SLC5A1: variants seen among roughly 807,000 people sequenced by gnomAD.
SLC5A1 encodes the protein sodium/glucose cotransporter 1.
A neutral mutation model predicts 73.5 loss-of-function variants in SLC5A1; 42 were observed. That is an observed-to-expected ratio of 0.57 (90% CI 0.45 to 0.74). The LOEUF (loss-of-function observed/expected upper bound fraction) is 0.74. Ranked by LOEUF, SLC5A1 falls within the 30% of genes least tolerant of loss-of-function variation. SLC5A1 has a pLI of 0.00. For missense variants in SLC5A1, 634 were observed against 855.4 expected (o/e 0.74, Z 3.23); for synonymous variants, 300 against 317.4 (o/e 0.95, Z 0.58).
At chr22:32,055,832 G>T (rs1466614065) in intron 2 of SLC5A1, among the ~76,000 whole-genome samples, 1 of 152,178 alleles carries the variant, frequency 6.6e-6, no homozygotes, top group South Asian at 2.1e-4. Context: ...CCCAAAGGTG[G>T]TGCTGTAAAA....
In SLC5A1 at chr22:32,095,119, G is replaced by C. The variant is rs559518014; in HGVS notation, c.1280+3357G>C. 1.1e-4 allele frequency among the ~76,000 whole-genome samples: 16 copies of C among 152,236 alleles called. No individual in the cohort carries two copies. The East Asian group carries it at 3.1e-3, about 29-fold the overall frequency. On this transcript the variant is annotated intron_variant, in intron 11 of 14. Coordinates refer to ENST00000266088, the MANE Select transcript of SLC5A1 (RefSeq NM_000343.4). The stretch of plus-strand genomic sequence containing the variant: ...TTGACCCAATGATCATTCAGGAGCA[G>C]GTTATTTAATTTCCATGTATTTGCA...
chr22:32,063,788 T>A (rs958487690), intron 2 of SLC5A1, among the ~76,000 whole-genome samples: 1 of 152,108 alleles, frequency 6.6e-6, no homozygotes, highest in Admixed American at 6.5e-5. Context: ...TAGGTGGCCA[T>A]AATATTGTGA....
intron 10 of SLC5A1, among the ~76,000 whole-genome samples, chr22:32,088,216 C>T (rs1457942441): frequency 1.3e-5 from 2 of 151,978 alleles, no homozygotes; most frequent in Admixed American, 6.6e-5. Flanking sequence ...AAACATTATG[C>T]GGGAGTGGAC....
At chr22:32,078,393 A>G (rs906934281) in intron 5 of SLC5A1, among the ~76,000 whole-genome samples, 4 of 151,800 alleles carry the variant, frequency 2.6e-5, no homozygotes, top group Non-Finnish European at 5.9e-5. Flanking sequence ...TCGGCCTCCC[A>G]GTTAGCTGAG....
chr22:32,047,702 C>T (rs1247833389), intron 1 of SLC5A1, among the ~76,000 whole-genome samples: 1 of 152,192 alleles, frequency 6.6e-6, no homozygotes, highest in East Asian at 1.9e-4. Context: ...AAGTTCAATA[C>T]ATCGTTGCAG....
intron 10 of SLC5A1, among the ~76,000 whole-genome samples, chr22:32,088,698 C>T (rs1320267487): frequency 4.6e-5 from 7 of 152,202 alleles, no homozygotes; most frequent in Non-Finnish European, 1.0e-4. Context: ...CATTCCTCAC[C>T]TTACTGGATC....
At chr22:32,075,812 G>A (rs540910646) in intron 5 of SLC5A1, among the ~76,000 whole-genome samples, 38 of 152,012 alleles carry the variant, frequency 2.5e-4, no homozygotes, top group Non-Finnish European at 4.0e-4. Flanking sequence ...TCGTAAATTC[G>A]GCTGGTTTTA....
intron 2 of SLC5A1, among the ~76,000 whole-genome samples, chr22:32,066,078 A>G (rs1413888734): frequency 2.6e-5 from 4 of 152,184 alleles, no homozygotes; most frequent in Non-Finnish European, 4.4e-5. Flanking sequence ...CTGACACAGT[A>G]TTATGATTGG....
At position 32,091,484 on chromosome 22, in the gene SLC5A1, T is replaced by C; in HGVS notation, c.1130-128T>C. 4 of 1,070,110 alleles carry C rather than the reference T, an allele frequency of 3.7e-6. No homozygotes were observed. The Admixed American group carries it at 5.7e-5, about 15-fold the overall frequency. The allele number at this position is 1,070,110 out of a possible 1,614,324, so 66.3% of individuals were successfully genotyped here. A position where few individuals can be genotyped will look rare whatever the true frequency, so the allele number is the denominator to read the frequency against. On this transcript the variant is annotated intron_variant, in intron 10 of 14. Transcript: ENST00000266088. Reference sequence around the variant, plus strand: ...TACTTCTTAAAGCTTCTAGTCTTTTTGGAGACAGAAATTGGATAACATGGC... The same window carrying C: ...TACTTCTTAAAGCTTCTAGTCTTTTCGGAGACAGAAATTGGATAACATGGC...
At chr22:32,086,003 T>C (rs1020121600) in intron 9 of SLC5A1, among the ~76,000 whole-genome samples, 1 of 151,914 alleles carries the variant, frequency 6.6e-6, no homozygotes, top group Non-Finnish European at 1.5e-5. Context: ...TAGCCAGGCA[T>C]GGTGGTGGGC....
At chr22:32,066,798 C>G (rs2093974044) in intron 2 of SLC5A1, 137 bp from the exon 3 acceptor site, 9 of 691,452 alleles carry the variant, frequency 1.3e-5, no homozygotes. Flanking sequence ...CCTGATGATT[C>G]CAGCACAGTT....
chr22:32,071,269 T>G (rs1374804623), intron 5 of SLC5A1, among the ~76,000 whole-genome samples: 1 of 152,086 alleles, frequency 6.6e-6, no homozygotes, highest in African/African-American at 2.4e-5. Context: ...CTGGACAACA[T>G]GGCAAGACCC....
chr22:32,082,961 T>G, intron 6 of SLC5A1, 113 bp from the exon 7 acceptor site: 1 of 872,070 alleles, frequency 1.1e-6, no homozygotes, highest in African/African-American at 1.9e-5. Context: ...CAAACCACTG[T>G]GGGGATGTTC....
In SLC5A1 at chr22:32,043,270, A is replaced by T; in HGVS notation, c.-12A>T. On this transcript the variant is annotated 5_prime_UTR_variant, in exon 1 of 15. Coordinates refer to ENST00000266088, the MANE Select transcript of SLC5A1 (RefSeq NM_000343.4). This position sits in a 1 kb window ranked among gnomAD's most constrained non-coding sequence, Gnocchi z 6.5. ...CGGCCCTGGCGAGAGGGAAGGACGC[A>T]ACGCTGCCACCATGGACAGTAGCAC... 2 of 1,613,296 alleles carry T rather than the reference A, an allele frequency of 1.2e-6. No individual in the cohort carries two copies. Among genetic ancestry groups the T allele is most frequent in the East Asian group, 4.5e-5 (2 of 44,882 alleles).
At chr22:32,050,576 T>G (rs1394983388) in intron 2 of SLC5A1, among the ~76,000 whole-genome samples, 2 of 152,222 alleles carry the variant, frequency 1.3e-5, no homozygotes, top group Non-Finnish European at 2.9e-5. Flanking sequence ...AGACTGGTTT[T>G]GGGCATTCCT....
rs200959236 is a variant in SLC5A1, at chr22:32,043,426, G to A, written c.135+10G>A. 1.3e-5 allele frequency: 21 copies of A among 1,613,488 alleles called. No individual in the cohort carries two copies. The highest frequency in any genetic ancestry group is 2.2e-5 in the East Asian group (1 of 44,874). ...GGCCGTCGGACTGTGGGTATGCAGC[G>A]GGTTCTGGGATGCGGGTGGGGAGGG... On this transcript the variant is annotated intron_variant, in intron 1 of 14. Coordinates refer to ENST00000266088, the MANE Select transcript of SLC5A1 (RefSeq NM_000343.4). This position sits in a 1 kb window ranked among gnomAD's most constrained non-coding sequence, Gnocchi z 6.5.
At chr22:32,058,727 T>C (rs1301434560) in intron 2 of SLC5A1, among the ~76,000 whole-genome samples, 1 of 152,206 alleles carries the variant, frequency 6.6e-6, no homozygotes, top group Non-Finnish European at 1.5e-5. Flanking sequence ...CGGACTAACC[T>C]ATAAGGTCAG....
chr22:32,067,278 T>G lies in SLC5A1; in HGVS notation c.312+239T>G, dbSNP rs2093975166. Among the ~76,000 whole-genome samples, 2 of 152,212 alleles carry G rather than the reference T, an allele frequency of 1.3e-5. 1 individual carries two copies. Among genetic ancestry groups the G allele is most frequent in the Admixed American group, 1.3e-4 (2 of 15,282 alleles). Reference sequence around the variant, plus strand: ...TATTTTTTCTGTTTTCTCTTCATGTTAAAAAGCCAAGGCCCTTCTAGCCAT... The same window carrying G: ...TATTTTTTCTGTTTTCTCTTCATGTGAAAAAGCCAAGGCCCTTCTAGCCAT... On this transcript the variant is annotated intron_variant, in intron 3 of 14. Transcript: ENST00000266088.
rs1438185762 is a variant in SLC5A1, at chr22:32,111,392, G to A, written c.*1179G>A. On this transcript the variant is annotated 3_prime_UTR_variant, in exon 15 of 15. Transcript: ENST00000266088. ...ATATTGGAATAGGACCCACCCTAAT[G>A]TCTTCATTTTAATCACCTCTTTAAA... is the stretch of plus-strand genomic sequence containing the variant. 2 of 152,066 alleles carry A rather than the reference G, an allele frequency of 1.3e-5. No individual in the cohort carries two copies. Among genetic ancestry groups the A allele is most frequent in the Non-Finnish European group, 2.9e-5 (2 of 68,030 alleles). 9.4% of individuals were successfully genotyped at this position (152,066 alleles called of 1,614,324 possible). A position where few individuals can be genotyped will look rare whatever the true frequency, so the allele number is the denominator to read the frequency against.
Sources: allele counts gnomAD v4.1 joint callset (sites outside exome capture counted in the v4.1 genomes callset), GRCh38; gene constraint gnomAD v4.1.1; non-coding constraint Gnocchi (gnomAD v3.1); transcripts MANE v1.5; gene names NCBI Gene and HGNC (gene_info 2026-07-23, HGNC 2026-07-21).